The following SH3RF3 variants were observed in gnomAD, a reference collection of about 807,000 sequenced individuals.
SH3RF3 encodes the protein E3 ubiquitin-protein ligase SH3RF3.
In SH3RF3, 29 loss-of-function variants were observed where a neutral mutation model predicts 66.3. That is an observed-to-expected ratio of 0.44 (90% CI 0.33 to 0.60). The LOEUF is 0.60. SH3RF3 is among the 20% of genes least tolerant of loss of function. The pLI is 0.04. For missense variants in SH3RF3, 1,194 were observed against 1,190.9 expected (o/e 1.00, Z -0.04); for synonymous variants, 583 against 532.0 (o/e 1.10, Z -1.32).
At chr2:109,376,043 G>A (rs370098309) in intron 3 of SH3RF3, among the ~76,000 whole-genome samples, 88 of 152,370 alleles carry the variant, frequency 5.8e-4, no homozygotes, top group African/African-American at 2.0e-3. Context: ...GCATAGAGAA[G>A]ATAAGAACAC....
chr2:109,240,562 C>G (rs1679752952), intron 1 of SH3RF3, among the ~76,000 whole-genome samples: 1 of 152,172 alleles, frequency 6.6e-6, no homozygotes, highest in Non-Finnish European at 1.5e-5. Flanking sequence ...GCAGAGTCCC[C>G]TGGTGTGGCA....
intron 1 of SH3RF3, among the ~76,000 whole-genome samples, chr2:109,184,202 G>A (rs1231828429): frequency 2.0e-5 from 3 of 152,170 alleles, no homozygotes; most frequent in African/African-American, 7.2e-5. Context: ...CTCCCAGGTG[G>A]TCTGAATTTC....
chr2:109,479,139 A>G (rs950450404), intron 8 of SH3RF3, among the ~76,000 whole-genome samples: 3 of 152,126 alleles, frequency 2.0e-5, no homozygotes, highest in African/African-American at 7.2e-5. Context: ...CTTCCTCACA[A>G]TGTGGCGACT....
At chr2:109,395,282 T>C (rs78717642) in intron 3 of SH3RF3, among the ~76,000 whole-genome samples, 2,946 of 152,226 alleles carry the variant, frequency 0.019, 37 homozygotes, top group Non-Finnish European at 0.027. Context: ...GCCCTTCGGG[T>C]TAGTCCACTC....
intron 1 of SH3RF3, among the ~76,000 whole-genome samples, chr2:109,245,352 C>T (rs1465293255): frequency 6.6e-6 from 1 of 151,932 alleles, no homozygotes; most frequent in East Asian, 1.9e-4. Flanking sequence ...ACAGTGTCAA[C>T]CTCTGCTGTA....
At chr2:109,373,367 G>A (rs1683315853) in intron 3 of SH3RF3, among the ~76,000 whole-genome samples, 1 of 152,162 alleles carries the variant, frequency 6.6e-6, no homozygotes, top group East Asian at 1.9e-4. Flanking sequence ...AATGTTCATG[G>A]AAAGTTCATT....
chr2:109,466,108 C>A (rs1678338420), intron 8 of SH3RF3, among the ~76,000 whole-genome samples: 2 of 109,378 alleles, frequency 1.8e-5, no homozygotes, highest in African/African-American at 7.0e-5. Context: ...GAGATGGAGT[C>A]TCGCTCCGTC....
intron 1 of SH3RF3, among the ~76,000 whole-genome samples, chr2:109,326,805 T>A (rs1325431402): frequency 1.3e-5 from 2 of 152,236 alleles, no homozygotes; most frequent in Non-Finnish European, 2.9e-5. Flanking sequence ...GTAGGTTTTC[T>A]TAGGGGGACG....
At chr2:109,500,154 G>A (rs1679353442) in intron 9 of SH3RF3, among the ~76,000 whole-genome samples, 1 of 152,140 alleles carries the variant, frequency 6.6e-6, no homozygotes, top group African/African-American at 2.4e-5. Context: ...CACTTTAAAG[G>A]GGACTGGGGT....
chr2:109,185,085 T>C (rs1678156001), intron 1 of SH3RF3, among the ~76,000 whole-genome samples: 1 of 152,186 alleles, frequency 6.6e-6, no homozygotes, highest in Non-Finnish European at 1.5e-5. Context: ...TGTTACACCG[T>C]GGAGATAGTA....
chr2:109,338,221 C>T (rs542102948), intron 1 of SH3RF3, among the ~76,000 whole-genome samples: 22 of 152,234 alleles, frequency 1.4e-4, no homozygotes, highest in African/African-American at 4.6e-4. Context: ...TTAACTCATT[C>T]GATCTCACAT....
rs867074420 is a variant in SH3RF3 at position 109,410,386 on chromosome 2, G to A, written c.1300-9153G>A. Among the ~76,000 whole-genome samples, 29 of 152,332 alleles carry A rather than the reference G, an allele frequency of 1.9e-4. No homozygotes were observed. The Middle Eastern group carries it at 0.01, about 54-fold the overall frequency. ...ATCCAGGGCACTGCACAGTCAGACTGAGCTCCAGCCCTGACCTCGGTGCGG... is the reference window on the plus strand; with the variant it reads ...ATCCAGGGCACTGCACAGTCAGACTAAGCTCCAGCCCTGACCTCGGTGCGG... On this transcript the variant is annotated intron_variant, in intron 4 of 9. Transcript: ENST00000309415.
chr2:109,414,023 T>C (rs1441754880), intron 4 of SH3RF3, among the ~76,000 whole-genome samples: 1 of 152,228 alleles, frequency 6.6e-6, no homozygotes, highest in African/African-American at 2.4e-5. Context: ...AGCATGCAGC[T>C]CAATGGACAA....
At chr2:109,347,025 G>A (rs1682725997) in intron 1 of SH3RF3, among the ~76,000 whole-genome samples, 1 of 152,126 alleles carries the variant, frequency 6.6e-6, no homozygotes, top group South Asian at 2.1e-4. Flanking sequence ...CCTCGTGTGT[G>A]TACCGCTGGC....
chr2:109,188,406 T>G (rs1345180689), intron 1 of SH3RF3, among the ~76,000 whole-genome samples: 2 of 152,114 alleles, frequency 1.3e-5, no homozygotes, highest in Non-Finnish European at 2.9e-5. Flanking sequence ...CTCAGCGGGG[T>G]CTGGGACCCC....
intron 1 of SH3RF3, among the ~76,000 whole-genome samples, chr2:109,149,020 C>T (rs554764447): frequency 1.3e-5 from 2 of 152,268 alleles, no homozygotes; most frequent in South Asian, 4.2e-4. Flanking sequence ...CTGCAGATCC[C>T]CCTTTCTCTT....
chr2:109,444,507 C>A (rs1241268687), intron 7 of SH3RF3, among the ~76,000 whole-genome samples: 1 of 152,150 alleles, frequency 6.6e-6, no homozygotes, highest in Non-Finnish European at 1.5e-5. Context: ...TCTAAAAATT[C>A]CATCATTTTC....
chr2:109,217,192 G>T (rs921184037), intron 1 of SH3RF3, among the ~76,000 whole-genome samples: 1 of 152,028 alleles, frequency 6.6e-6, no homozygotes, highest in East Asian at 1.9e-4. Context: ...GGACACTTGG[G>T]GTTGTTTTCT....
intron 5 of SH3RF3, among the ~76,000 whole-genome samples, chr2:109,432,031 A>G (rs1677238957): frequency 6.6e-6 from 1 of 152,186 alleles, no homozygotes; most frequent in South Asian, 2.1e-4. Flanking sequence ...AGGCCAGGTT[A>G]TATTAAGTGA....
Sources: allele counts gnomAD v4.1 joint callset (sites outside exome capture counted in the v4.1 genomes callset), GRCh38; gene constraint gnomAD v4.1.1; transcripts MANE v1.5; gene names NCBI Gene and HGNC (gene_info 2026-07-23, HGNC 2026-07-21).